SLC12A8: variants seen among roughly 807,000 people sequenced by gnomAD.
The protein encoded by SLC12A8 is solute carrier family 12 member 8, also known as cation-chloride cotransporter 9.
In SLC12A8, 69 loss-of-function variants were observed where a neutral mutation model predicts 75.6. The ratio of observed to expected loss-of-function variants is 0.91; its 90% CI spans 0.75 to 1.11. SLC12A8 has a LOEUF of 1.11. Ranked by LOEUF, SLC12A8 falls within the 50% of genes most tolerant of loss-of-function variation. The pLI is 0.00. For synonymous variants in SLC12A8, 365 were observed against 372.8 expected (o/e 0.98, Z 0.24); for missense variants, 877 against 896.7 (o/e 0.98, Z 0.28).
chr3:125,177,648 G>T (rs199692115), intron 5 of SLC12A8, 95 bp downstream of exon 5: 12 of 836,438 alleles, frequency 1.4e-5, no homozygotes, highest in Non-Finnish European at 2.2e-5. Context: ...GCCTATGGGG[G>T]TTAGGGGGAG....
chr3:125,113,120 G>A (rs1381322124), intron 8 of SLC12A8, among the ~76,000 whole-genome samples: 7 of 152,176 alleles, frequency 4.6e-5, no homozygotes, highest in Admixed American at 2.0e-4. Context: ...CATCCTCCTA[G>A]TGTTGGACTG....
chr3:125,091,638 A>G, intron 11 of SLC12A8, 82 bp from the exon 12 acceptor site: 3 of 883,550 alleles, frequency 3.4e-6, no homozygotes, highest in South Asian at 1.4e-5. Flanking sequence ...GTCTTCAGCA[A>G]CAACATTCCC....
chr3:125,194,807 G>A (rs529369705), intron 2 of SLC12A8, among the ~76,000 whole-genome samples: 7 of 152,346 alleles, frequency 4.6e-5, no homozygotes, highest in South Asian at 2.1e-4. Context: ...ATACACATGC[G>A]AACCAGCAGA....
chr3:125,198,553 A>C (rs560504738), intron 2 of SLC12A8, among the ~76,000 whole-genome samples: 1 of 152,158 alleles, frequency 6.6e-6, no homozygotes, highest in East Asian at 1.9e-4. Flanking sequence ...GCATCGCTTG[A>C]ACCTGGGAGG....
intron 5 of SLC12A8, among the ~76,000 whole-genome samples, chr3:125,163,005 T>G (rs1362511185): frequency 1.3e-5 from 2 of 151,946 alleles, no homozygotes; most frequent in Non-Finnish European, 2.9e-5. Flanking sequence ...CTAATAAAGG[T>G]TTGAAATGGT....
chr3:125,116,479 C>T (rs1213376169), intron 8 of SLC12A8, among the ~76,000 whole-genome samples: 1 of 152,182 alleles, frequency 6.6e-6, no homozygotes, highest in Non-Finnish European at 1.5e-5. Context: ...GGACAGGTGG[C>T]ATTCCACAGG....
intron 9 of SLC12A8, among the ~76,000 whole-genome samples, chr3:125,109,585 T>A (rs988111029): frequency 6.6e-6 from 1 of 152,278 alleles, no homozygotes; most frequent in East Asian, 1.9e-4. Context: ...TAGTGGGAAA[T>A]GGGATTCTCT....
At chr3:125,140,374 T>G (rs1436048729) in intron 5 of SLC12A8, among the ~76,000 whole-genome samples, 2 of 152,030 alleles carry the variant, frequency 1.3e-5, no homozygotes, top group Non-Finnish European at 2.9e-5. Flanking sequence ...ACCCACTGCC[T>G]CTCCCGGTGG....
At chr3:125,101,259 A>G (rs867270827) in intron 10 of SLC12A8, among the ~76,000 whole-genome samples, 1 of 152,300 alleles carries the variant, frequency 6.6e-6, no homozygotes, top group African/African-American at 2.4e-5. Context: ...ACAATGCCTA[A>G]ATCTGGGCTT....
intron 7 of SLC12A8, chr3:125,120,026 C>T (rs1933011149): frequency 2.6e-6 from 1 of 388,732 alleles, no homozygotes; most frequent in Non-Finnish European, 5.1e-6. Flanking sequence ...AGGGGAGGCT[C>T]ACTGGGGGAA....
At chr3:125,201,032 G>T (rs1019876703) in intron 2 of SLC12A8, among the ~76,000 whole-genome samples, 8 of 152,194 alleles carry the variant, frequency 5.3e-5, no homozygotes, top group African/African-American at 1.9e-4. Context: ...CAGGTGAGTG[G>T]TTTTTACCAC....
chr3:125,168,424 C>T (rs535696181), intron 5 of SLC12A8, among the ~76,000 whole-genome samples: 1 of 152,176 alleles, frequency 6.6e-6, no homozygotes, highest in Non-Finnish European at 1.5e-5. Flanking sequence ...AGAGATCCGA[C>T]AGGAGCTGGC....
intron 13 of SLC12A8, 58 bp from the exon 14 acceptor site, chr3:125,084,110 G>C (rs1044888391): frequency 6.9e-7 from 1 of 1,449,516 alleles, no homozygotes; most frequent in African/African-American, 1.4e-5. Flanking sequence ...CTGAACAGTA[G>C]AGGTGAGTCT....
chr3:125,185,920 C>T (rs147626627), intron 4 of SLC12A8, among the ~76,000 whole-genome samples: 99 of 152,300 alleles, frequency 6.5e-4, no homozygotes, highest in African/African-American at 2.2e-3. Flanking sequence ...CGTCTCAGGC[C>T]GTGGCTGCCA....
rs540529564 is a variant in SLC12A8, at chr3:125,197,296, C to T, written c.52-6775G>A. ...TACAGACATAAATAAATTAATTAAC[C>T]GATTTTTTTCTTTGAGACAGGGTCT... is the stretch of plus-strand genomic sequence containing the variant. On this transcript the variant is annotated intron_variant, in intron 2 of 13. Transcript: ENST00000469902. Among the ~76,000 whole-genome samples the T allele has an allele frequency of 4.0e-3, 82 of 20,460 alleles. No individual in the cohort carries two copies. The East Asian group carries it at 0.05, about 13-fold the overall frequency. The allele number at this position is 20,460 out of a possible 152,430, so 13.4% of individuals were successfully genotyped here. A position where few individuals can be genotyped will look rare whatever the true frequency, so the allele number is the denominator to read the frequency against.
At chr3:125,209,058 C>T (rs1040018645) in intron 2 of SLC12A8, among the ~76,000 whole-genome samples, 20 of 152,166 alleles carry the variant, frequency 1.3e-4, no homozygotes, top group Non-Finnish European at 8.8e-5. Context: ...AAGCTCCTAG[C>T]AGAATTTCTG....
At chr3:125,152,385 C>T (rs1436760250) in intron 5 of SLC12A8, among the ~76,000 whole-genome samples, 1 of 152,188 alleles carries the variant, frequency 6.6e-6, no homozygotes, top group Non-Finnish European at 1.5e-5. Context: ...TCGGTCATTA[C>T]AGATTTACTG....
At chr3:125,182,498 A>G (rs1579530203) in intron 4 of SLC12A8, among the ~76,000 whole-genome samples, 1 of 151,686 alleles carries the variant, frequency 6.6e-6, no homozygotes, top group East Asian at 1.9e-4. Flanking sequence ...AATGTATGAA[A>G]TTTGTCCCCA....
At chr3:125,113,491 T>C (rs1261005265) in intron 8 of SLC12A8, among the ~76,000 whole-genome samples, 1 of 152,182 alleles carries the variant, frequency 6.6e-6, no homozygotes, top group Non-Finnish European at 1.5e-5. Flanking sequence ...AGGAAGCATT[T>C]CCTGACGACA....
Sources: gnomAD v4.1 joint callset for allele counts (sites outside exome capture counted in the v4.1 genomes callset) on GRCh38, gnomAD v4.1.1 for gene constraint, MANE v1.5 for transcripts, NCBI Gene and HGNC (gene_info 2026-07-23, HGNC 2026-07-21) for gene names.